The following TOPBP1 variants were observed in gnomAD, a reference collection of about 807,000 sequenced individuals.
The protein encoded by TOPBP1 is DNA topoisomerase II binding protein 1.
A neutral mutation model predicts 167.7 loss-of-function variants in TOPBP1; 28 were observed. The ratio of observed to expected loss-of-function variants is 0.17; its 90% CI spans 0.12 to 0.23. The LOEUF is 0.23. Among genes scored for constraint, TOPBP1 ranks in the 10% least tolerant of loss-of-function variants. The pLI, the probability that TOPBP1 is intolerant of heterozygous loss-of-function variation, is 1.00. For missense variants in TOPBP1, 1,554 were observed against 1,809.6 expected (o/e 0.86, Z 2.56); for synonymous variants, 598 against 611.4 (o/e 0.98, Z 0.32).
chr3:133,610,877 C>A, intron 25 of TOPBP1, 127 bp downstream of exon 25: 4 of 1,061,382 alleles, frequency 3.8e-6, no homozygotes, highest in Non-Finnish European at 5.3e-6. Flanking sequence ...AAAGAGCCAT[C>A]AAAAATTTGG....
In TOPBP1 at chr3:133,620,186, TGCGAGCAGA is replaced by T; in HGVS notation, c.3331_3339del (p.Ala1112_Ser1114del). On this transcript the variant is annotated inframe_deletion, in exon 20 of 28. Coordinates refer to ENST00000260810, the MANE Select transcript of TOPBP1 (RefSeq NM_007027.4). ...GCCTCTAGGACTCTACTTCGTCCAC[TGCGAGCAGA>T]GCGAGTGCTGTCAGGGGTTGAAGAT... is the stretch of plus-strand genomic sequence containing the variant. 3 of 1,613,862 alleles carry T rather than the reference TGCGAGCAGA, an allele frequency of 1.9e-6. No individual in the cohort carries two copies. The highest frequency in any genetic ancestry group is 2.5e-6 in the Non-Finnish European group (3 of 1,179,830).
In TOPBP1 at chr3:133,624,084, C is replaced by G; in HGVS notation, c.2896G>C (p.Val966Leu). Residue 966 changes from valine to leucine, a missense_variant, in exon 17 of 28, where the codon GTA (valine) becomes CTA (leucine). Coordinates refer to ENST00000260810, the MANE Select transcript of TOPBP1 (RefSeq NM_007027.4). The stretch of plus-strand genomic sequence containing the variant: ...AGCCAGTGCTCGGAAACAATGTGTA[C>G]TCCTCTTTCTTTTACAGATTTATAC... ...REYKSVKERG[V>L]HIVSEHWLLD... 1 of 1,613,738 alleles carries G rather than the reference C, an allele frequency of 6.2e-7. No individual in the cohort carries two copies. The highest frequency in any genetic ancestry group is 8.5e-7 in the Non-Finnish European group (1 of 1,179,764).
chr3:133,610,531 G>A (rs901296710), intron 25 of TOPBP1, among the ~76,000 whole-genome samples: 1 of 151,580 alleles, frequency 6.6e-6, no homozygotes, highest in African/African-American at 2.4e-5. Flanking sequence ...ATTTCTGTTA[G>A]TGCAAAATTA....
Position 133,628,739 on chromosome 3 carries a change from C to T in TOPBP1, c.2521-6G>A, listed in dbSNP as rs1935358742. ...TCCAAGGCTGCAAGTGCATCCTATACATATGAAGGAGAGAGAGAGATGGAG... is the reference window on the plus strand; with the variant it reads ...TCCAAGGCTGCAAGTGCATCCTATATATATGAAGGAGAGAGAGAGATGGAG... On this transcript the variant is annotated splice_polypyrimidine_tract_variant and splice_region_variant and intron_variant, in intron 14 of 27. Coordinates refer to ENST00000260810, the MANE Select transcript of TOPBP1 (RefSeq NM_007027.4). 1.3e-6 allele frequency: 2 copies of T among 1,550,482 alleles called. No individual in the cohort carries two copies. The highest frequency in any genetic ancestry group is 1.2e-5 in the South Asian group (1 of 83,944).
At chr3:133,643,795 A>T (rs1935980052) in intron 11 of TOPBP1, among the ~76,000 whole-genome samples, 1 of 152,192 alleles carries the variant, frequency 6.6e-6, no homozygotes, top group Non-Finnish European at 1.5e-5. Flanking sequence ...CCTAAGAAGG[A>T]ATGTTGCTGC....
intron 27 of TOPBP1, among the ~76,000 whole-genome samples, chr3:133,608,320 TC>T (rs1204414064): frequency 6.6e-6 from 1 of 152,182 alleles, no homozygotes; most frequent in Non-Finnish European, 1.5e-5. Flanking sequence ...TTTATACTCT[TC>T]TCATATTTAA....
chr3:133,645,251 A>G (rs934703903), intron 10 of TOPBP1, among the ~76,000 whole-genome samples: 16 of 152,190 alleles, frequency 1.1e-4, no homozygotes, highest in African/African-American at 3.6e-4. Flanking sequence ...CCTACTAAAC[A>G]TAAGTATTAA....
chr3:133,639,820 C>T (rs533332653), intron 13 of TOPBP1, 139 bp downstream of exon 13: 13 of 753,180 alleles, frequency 1.7e-5, no homozygotes, highest in South Asian at 3.8e-5. Context: ...CTGTAGACTT[C>T]GAACACTGAG....
At chr3:133,604,695 C>T (rs930299731) in intron 27 of TOPBP1, among the ~76,000 whole-genome samples, 6 of 151,610 alleles carry the variant, frequency 4.0e-5, no homozygotes, top group Middle Eastern at 3.4e-3. Context: ...CCAAGGTGGG[C>T]GGATCACCTG....
At chr3:133,614,092 T>C (rs532123626) in intron 23 of TOPBP1, among the ~76,000 whole-genome samples, 21 of 152,198 alleles carry the variant, frequency 1.4e-4, no homozygotes, top group Admixed American at 1.2e-3. Flanking sequence ...CACCCGGTCA[T>C]ATCAAGGACT....
chr3:133,635,686 TGGTGGA>T (rs1935647363), intron 14 of TOPBP1, among the ~76,000 whole-genome samples: 1 of 152,224 alleles, frequency 6.6e-6, no homozygotes, highest in Non-Finnish European at 1.5e-5. Context: ...AACACACTAC[TGGTGGA>T]AGCATGAACT....
At chr3:133,616,955 T>C (rs1331965595) in intron 22 of TOPBP1, 30 bp from the exon 23 acceptor site, 3 of 1,388,816 alleles carry the variant, frequency 2.2e-6, no homozygotes, top group African/African-American at 1.5e-5. Context: ...TTAGAAAAAA[T>C]TAACATTAAA....
At chr3:133,649,324 C>G (rs1177572382) in intron 10 of TOPBP1, 59 bp downstream of exon 10, 2 of 1,545,934 alleles carry the variant, frequency 1.3e-6, no homozygotes, top group Non-Finnish European at 1.7e-6. Flanking sequence ...CACATATGTA[C>G]GTATTAGGCT....
At chr3:133,614,648 G>A (rs1475697047) in intron 23 of TOPBP1, among the ~76,000 whole-genome samples, 1 of 152,104 alleles carries the variant, frequency 6.6e-6, no homozygotes, top group Non-Finnish European at 1.5e-5. Flanking sequence ...AAAGTTTGCA[G>A]AGATGGAAAA....
intron 14 of TOPBP1, among the ~76,000 whole-genome samples, chr3:133,637,164 G>C (rs1186564776): frequency 6.6e-6 from 1 of 152,096 alleles, no homozygotes; most frequent in East Asian, 1.9e-4. Flanking sequence ...ACACGTGAAT[G>C]AGTAAAATAA....
chr3:133,650,098 C>T (rs1341103148), intron 8 of TOPBP1, among the ~76,000 whole-genome samples, 155 bp from the exon 9 acceptor site: 1 of 152,076 alleles, frequency 6.6e-6, no homozygotes, highest in African/African-American at 2.4e-5. Context: ...GATTTTTTAA[C>T]AGTTCTGCAA....
chr3:133,632,397 C>T lies in TOPBP1; in HGVS notation c.2521-3664G>A, dbSNP rs567739250. Among the ~76,000 whole-genome samples the T allele has an allele frequency of 2.0e-5, 3 of 152,164 alleles. No homozygotes were observed. In the East Asian group the frequency reaches 5.8e-4, roughly 29 times the overall value. On this transcript the variant is annotated intron_variant, in intron 14 of 27. Coordinates refer to ENST00000260810, the MANE Select transcript of TOPBP1 (RefSeq NM_007027.4). ...TTCAGCCTGGGTGACAAGAGCAAGA[C>T]TCCATCTCAAAATAAAAAAATAAAA...
chr3:133,608,137 C>T (rs985314407), intron 27 of TOPBP1, among the ~76,000 whole-genome samples: 1 of 152,090 alleles, frequency 6.6e-6, no homozygotes, highest in Non-Finnish European at 1.5e-5. Flanking sequence ...ATAGCAAATG[C>T]TTAAATTTAC....
chr3:133,645,687 C>G (rs543841087), intron 10 of TOPBP1, among the ~76,000 whole-genome samples: 13 of 152,208 alleles, frequency 8.5e-5, no homozygotes, highest in African/African-American at 3.1e-4. Context: ...AGTAGAAATA[C>G]TAAGTTCTTA....
Sources: allele counts gnomAD v4.1 joint callset (sites outside exome capture counted in the v4.1 genomes callset), GRCh38; gene constraint gnomAD v4.1.1; transcripts MANE v1.5; gene names NCBI Gene and HGNC (gene_info 2026-07-23, HGNC 2026-07-21).